Variants in SLC9A8 observed in about 807,000 individuals in gnomAD.
SLC9A8 encodes solute carrier family 9 member A8.
In SLC9A8, 48 loss-of-function variants were observed where a neutral mutation model predicts 66.6. The ratio of observed to expected loss-of-function variants is 0.72; its 90% CI spans 0.57 to 0.92. The LOEUF (loss-of-function observed/expected upper bound fraction) is 0.92, where lower values mean the gene tolerates loss of function less well. Ranked by LOEUF, SLC9A8 falls within the 40% of genes least tolerant of loss-of-function variation. SLC9A8 has a pLI of 0.00. For synonymous variants in SLC9A8, 274 were observed against 282.6 expected (o/e 0.97, Z 0.31); for missense variants, 599 against 747.3 (o/e 0.80, Z 2.31).
Position 49,886,729 on chromosome 20 carries a change from G to A in SLC9A8, c.1492-23G>A, listed in dbSNP as rs775342753. The A allele has an allele frequency of 6.2e-7, 1 of 1,603,970 alleles. No homozygotes were observed. The highest frequency in any genetic ancestry group is 8.5e-7 in the Non-Finnish European group (1 of 1,174,208). On this transcript the variant is annotated intron_variant, in intron 14 of 15. Coordinates refer to ENST00000361573, the MANE Select transcript of SLC9A8 (RefSeq NM_015266.3). The surrounding 1 kb of genome is among the most constrained non-coding windows in gnomAD (Gnocchi z 4.8). ...CGATGGTGCCAGCTGGTGGCCGTCGGGCCGCCTTTCCTCCCTGCTCAGGGC... is the reference window on the plus strand; with the variant it reads ...CGATGGTGCCAGCTGGTGGCCGTCGAGCCGCCTTTCCTCCCTGCTCAGGGC...
At chr20:49,870,622 G>T (rs2089175725) in intron 10 of SLC9A8, among the ~76,000 whole-genome samples, 1 of 152,104 alleles carries the variant, frequency 6.6e-6, no homozygotes, top group Non-Finnish European at 1.5e-5. Context: ...AGAGTTGGAA[G>T]CCCTTGAAAA....
chr20:49,816,966 G>C (rs1258155069), intron 2 of SLC9A8, among the ~76,000 whole-genome samples: 1 of 151,768 alleles, frequency 6.6e-6, no homozygotes, highest in Non-Finnish European at 1.5e-5. Flanking sequence ...CTGACCTCGT[G>C]ATCCACCTGC....
intron 4 of SLC9A8, among the ~76,000 whole-genome samples, chr20:49,841,923 A>G (rs975723316): frequency 1.3e-5 from 2 of 152,122 alleles, no homozygotes; most frequent in African/African-American, 4.8e-5. Flanking sequence ...AATTTTTTGT[A>G]GAGACACGAT....
Position 49,834,430 on chromosome 20 carries a change from ACTG to A in SLC9A8, c.290-5110_290-5108del, listed in dbSNP as rs200937231. ...GTATATATATATACTGTATATATAT[ACTG>A]TATATATATATATATACTGTATATA... is the stretch of plus-strand genomic sequence containing the variant. On this transcript the variant is annotated intron_variant, in intron 3 of 15. Coordinates refer to ENST00000361573, the MANE Select transcript of SLC9A8 (RefSeq NM_015266.3). Among the ~76,000 whole-genome samples, 6 of 34,226 alleles carry A rather than the reference ACTG, an allele frequency of 1.8e-4. 1 individual carries two copies. The highest frequency in any genetic ancestry group is 7.5e-4 in the African/African-American group (5 of 6,690). 22.5% of individuals were successfully genotyped at this position (34,226 alleles called of 152,430 possible).
intron 10 of SLC9A8, among the ~76,000 whole-genome samples, chr20:49,866,405 T>C (rs1162164080): frequency 6.6e-6 from 1 of 152,234 alleles, no homozygotes; most frequent in Non-Finnish European, 1.5e-5. Context: ...CTAGGTCATA[T>C]GGTAAGTACA....
intron 15 of SLC9A8, 53 bp from the exon 16 acceptor site, chr20:49,887,772 CCCTT>C: frequency 7.3e-7 from 1 of 1,371,388 alleles, no homozygotes; most frequent in South Asian, 1.3e-5. Flanking sequence ...AGCATCCCCT[CCCTT>C]CCATGGCCCT....
intron 3 of SLC9A8, among the ~76,000 whole-genome samples, chr20:49,826,688 A>G (rs2086923262): frequency 6.6e-6 from 1 of 152,230 alleles, no homozygotes; most frequent in Non-Finnish European, 1.5e-5. Context: ...CGAAGCTTTC[A>G]GGATACTTTC....
chr20:49,859,307 C>T (rs1249135809), intron 8 of SLC9A8, among the ~76,000 whole-genome samples: 3 of 152,116 alleles, frequency 2.0e-5, no homozygotes, highest in East Asian at 1.9e-4. Flanking sequence ...AAAAGATGCC[C>T]GTAGAGAAGT....
intron 11 of SLC9A8, among the ~76,000 whole-genome samples, chr20:49,875,665 C>T (rs933807729): frequency 3.3e-5 from 5 of 152,094 alleles, no homozygotes; most frequent in African/African-American, 1.2e-4. Flanking sequence ...CTCACCATGT[C>T]CCTTTAAGCT....
chr20:49,872,325 C>G (rs2089243153), intron 10 of SLC9A8, among the ~76,000 whole-genome samples: 1 of 152,150 alleles, frequency 6.6e-6, no homozygotes, highest in African/African-American at 2.4e-5. Context: ...ATGTCCAGCT[C>G]CTGCTGTCAC....
In SLC9A8 at chr20:49,815,697, A is replaced by G. The variant is rs1001347963; in HGVS notation, c.208+508A>G. ...GAGGCAGAGGTTGCAGTGAGCCGAG[A>G]TCACGCCGCTGCACTCCAGCCTGGA... On this transcript the variant is annotated intron_variant, in intron 2 of 15. Coordinates refer to ENST00000361573, the MANE Select transcript of SLC9A8 (RefSeq NM_015266.3). Among the ~76,000 whole-genome samples, 9 of 152,092 alleles carry G rather than the reference A, an allele frequency of 5.9e-5. No homozygotes were observed. The South Asian group carries it at 1.4e-3, about 25-fold the overall frequency.
intron 5 of SLC9A8, among the ~76,000 whole-genome samples, chr20:49,847,907 G>T (rs368291670): frequency 3.1e-4 from 36 of 115,168 alleles, no homozygotes; most frequent in Middle Eastern, 5.3e-3. Flanking sequence ...TGATTAATCT[G>T]TTTTTTTTTT....
chr20:49,812,875 C>T lies in SLC9A8; in HGVS notation c.-48C>T. On this transcript the variant is annotated 5_prime_UTR_variant, in exon 1 of 16. Coordinates refer to ENST00000361573, the MANE Select transcript of SLC9A8 (RefSeq NM_015266.3). ...CGGAAGCCGGAAGCAAAAGCGGGTCCTGCTAGCCCCGCGGCTCCGAACTCG... is the reference window on the plus strand; with the variant it reads ...CGGAAGCCGGAAGCAAAAGCGGGTCTTGCTAGCCCCGCGGCTCCGAACTCG... 2 of 1,495,428 alleles carry T rather than the reference C, an allele frequency of 1.3e-6. No homozygotes were observed. Among genetic ancestry groups the T allele is most frequent in the Non-Finnish European group, 8.9e-7 (1 of 1,124,718 alleles). 92.6% of individuals were successfully genotyped at this position (1,495,428 alleles called of 1,614,324 possible). A position where few individuals can be genotyped will look rare whatever the true frequency, so the allele number is the denominator to read the frequency against.
rs1048882178 is a variant in SLC9A8, at chr20:49,890,979, G to A, written c.*3043G>A. On this transcript the variant is annotated 3_prime_UTR_variant, in exon 16 of 16. Coordinates refer to ENST00000361573, the MANE Select transcript of SLC9A8 (RefSeq NM_015266.3). Reference sequence around the variant, plus strand: ...TAAAACCTTTGGCAAAGGTGCCATCGGCAGGGCTTGGCCTCATGAAGTCTC... The same window carrying A: ...TAAAACCTTTGGCAAAGGTGCCATCAGCAGGGCTTGGCCTCATGAAGTCTC... The A allele has an allele frequency of 2.0e-5, 3 of 152,304 alleles. No individual in the cohort carries two copies. Among genetic ancestry groups the A allele is most frequent in the African/African-American group, 4.8e-5 (2 of 41,474 alleles). 9.4% of individuals were successfully genotyped at this position (152,304 alleles called of 1,614,324 possible). A position where few individuals can be genotyped will look rare whatever the true frequency, so the allele number is the denominator to read the frequency against.
intron 1 of SLC9A8, among the ~76,000 whole-genome samples, chr20:49,814,800 G>T (rs568451643): frequency 6.6e-6 from 1 of 152,182 alleles, no homozygotes; most frequent in South Asian, 2.1e-4. Flanking sequence ...TCCTCTAAGT[G>T]GCTGTATTCA....
chr20:49,844,985 T>C, intron 4 of SLC9A8, 51 bp from the exon 5 acceptor site: 1 of 1,316,740 alleles, frequency 7.6e-7, no homozygotes, highest in Non-Finnish European at 1.1e-6. Flanking sequence ...TTAATTTATT[T>C]CTTAATTACA....
In SLC9A8 at chr20:49,884,223, CACACACACACACACACACG is replaced by C. The variant is rs2089747397; in HGVS notation, c.1491+174_1491+192del. 9.4e-4 allele frequency: 230 copies of C among 243,554 alleles called. 2 individuals are homozygous for C. The highest frequency in any genetic ancestry group is 6.7e-3 in the Admixed American group (114 of 17,032). 15.1% of individuals were successfully genotyped at this position (243,554 alleles called of 1,614,324 possible). A position where few individuals can be genotyped will look rare whatever the true frequency, so the allele number is the denominator to read the frequency against. Reference sequence around the variant, plus strand: ...CGACACACACACACACACACACACACACACACACACACACACACGACACACACACACACACGACACACAC... The same window carrying C: ...CGACACACACACACACACACACACACACACACACACACACACGACACACAC... On this transcript the variant is annotated intron_variant, in intron 14 of 15. Coordinates refer to ENST00000361573, the MANE Select transcript of SLC9A8 (RefSeq NM_015266.3).
chr20:49,846,780 G>C (rs2088014977), intron 5 of SLC9A8, among the ~76,000 whole-genome samples: 1 of 152,014 alleles, frequency 6.6e-6, no homozygotes, highest in South Asian at 2.1e-4. Flanking sequence ...TGGTCGTGGT[G>C]GTGCGTGCCT....
intron 8 of SLC9A8, 98 bp downstream of exon 8, chr20:49,855,679 G>C: frequency 8.5e-7 from 1 of 1,182,220 alleles, no homozygotes; most frequent in African/African-American, 1.5e-5. Flanking sequence ...GTGTACAGTT[G>C]CTTGTCCTCT....
Sources: allele counts gnomAD v4.1 joint callset (sites outside exome capture counted in the v4.1 genomes callset), GRCh38; gene constraint gnomAD v4.1.1; non-coding constraint Gnocchi (gnomAD v3.1); transcripts MANE v1.5; gene names NCBI Gene and HGNC (gene_info 2026-07-23, HGNC 2026-07-21).